APBB2: variants seen among roughly 807,000 people sequenced by gnomAD.
The protein encoded by APBB2 is Fe65-like 1.
APBB2 carries 38 observed loss-of-function variants against 82.5 expected under a neutral mutation model. The observed-to-expected ratio is 0.46, with a 90% CI of 0.36 to 0.60. APBB2 has a LOEUF of 0.60. APBB2 is among the 20% of genes least tolerant of loss of function. The pLI is 0.00. For missense variants in APBB2, 772 were observed against 972.3 expected (o/e 0.79, Z 2.74); for synonymous variants, 341 against 368.2 (o/e 0.93, Z 0.85).
intron 6 of APBB2, among the ~76,000 whole-genome samples, chr4:40,954,535 T>G (rs574796120): frequency 1.4e-3 from 218 of 152,148 alleles, no homozygotes; most frequent in African/African-American, 5.0e-3. Context: ...AGCATGAGAG[T>G]CACCTGGAGG....
intron 2 of APBB2, among the ~76,000 whole-genome samples, chr4:41,108,594 CA>C (rs1748082583): frequency 6.6e-6 from 1 of 152,142 alleles, no homozygotes; most frequent in South Asian, 2.1e-4. Flanking sequence ...AAACGCTGTG[CA>C]GGTGCGGACA....
chr4:41,081,233 A>T (rs1737499455), intron 3 of APBB2, among the ~76,000 whole-genome samples: 1 of 152,210 alleles, frequency 6.6e-6, no homozygotes, highest in Non-Finnish European at 1.5e-5. Flanking sequence ...AAGATCACAC[A>T]ACAGGACAGT....
At chr4:40,913,398 AC>A (rs1779046833) in intron 10 of APBB2, among the ~76,000 whole-genome samples, 1 of 152,188 alleles carries the variant, frequency 6.6e-6, no homozygotes, top group South Asian at 2.1e-4. Context: ...CTAGTTTGGT[AC>A]TCTCTACCCT....
intron 6 of APBB2, among the ~76,000 whole-genome samples, chr4:40,978,926 A>ATT (rs34025967): frequency 1.6e-4 from 24 of 151,050 alleles, no homozygotes; most frequent in South Asian, 1.3e-3. Flanking sequence ...GGAACTCATG[A>ATT]TTTTTTTTTT....
At chr4:41,100,187 T>C (rs1443255593) in intron 3 of APBB2, among the ~76,000 whole-genome samples, 1 of 152,192 alleles carries the variant, frequency 6.6e-6, no homozygotes, top group African/African-American at 2.4e-5. Flanking sequence ...ATTCCACATT[T>C]TGCTTTCCTT....
intron 10 of APBB2, among the ~76,000 whole-genome samples, chr4:40,930,127 G>T (rs1054897515): frequency 6.6e-6 from 1 of 152,124 alleles, no homozygotes; most frequent in African/African-American, 2.4e-5. Flanking sequence ...TGTGAATAAA[G>T]TTTATAGCAA....
chr4:40,965,443 C>T (rs529634791), intron 6 of APBB2, among the ~76,000 whole-genome samples: 53 of 152,248 alleles, frequency 3.5e-4, no homozygotes, highest in African/African-American at 1.3e-3. Flanking sequence ...TAGAGCTGTG[C>T]TGTCCAATAG....
chr4:41,036,264 A>G (rs148930436), intron 4 of APBB2, among the ~76,000 whole-genome samples: 2 of 152,320 alleles, frequency 1.3e-5, no homozygotes, highest in African/African-American at 4.8e-5. Flanking sequence ...AGATTTTGGT[A>G]TCTGAAGGGA....
In APBB2 at chr4:40,890,379, C is replaced by A; in HGVS notation, c.1514G>T (p.Gly505Val). The A allele has an allele frequency of 6.2e-7, 1 of 1,612,860 alleles. No homozygotes were observed. The highest frequency in any genetic ancestry group is 1.1e-5 in the South Asian group (1 of 91,002). The change falls in exon 12 of 18, where the codon GGC becomes GTC. Residue 505 changes from glycine (G) to valine (V), a missense_variant. By Grantham distance (109) the Gly-to-Val change is moderately radical. Coordinates refer to ENST00000508593, the MANE Select transcript of APBB2 (RefSeq NM_004307.2). ...AGGGACTCACCGGCCATTGTCGCGG[C>A]CCACGCCCCACACGCGGATGCTGAC... is the stretch of plus-strand genomic sequence containing the variant. Reference protein sequence around the residue: ...PIVSIRVWGVGRDNGRDFAYV... With the variant: ...PIVSIRVWGVVRDNGRDFAYV...
intron 12 of APBB2, among the ~76,000 whole-genome samples, chr4:40,839,518 T>C (rs189494496): frequency 3.9e-4 from 60 of 152,218 alleles, no homozygotes; most frequent in African/African-American, 1.4e-3. Flanking sequence ...GTCAAATACA[T>C]GGCATGTTTT....
At chr4:41,212,473 A>C (rs1779560417) in intron 1 of APBB2, among the ~76,000 whole-genome samples, 1 of 152,188 alleles carries the variant, frequency 6.6e-6, no homozygotes, top group Non-Finnish European at 1.5e-5. Flanking sequence ...CAGCTTTTCA[A>C]TTACCACTTT....
intron 3 of APBB2, among the ~76,000 whole-genome samples, chr4:41,097,071 T>A (rs1186686538): frequency 6.6e-6 from 1 of 152,254 alleles, no homozygotes; most frequent in Non-Finnish European, 1.5e-5. Context: ...AATCTATCAG[T>A]GTTCCTTCTG....
At chr4:40,955,227 G>A (rs1791286263) in intron 6 of APBB2, among the ~76,000 whole-genome samples, 1 of 152,160 alleles carries the variant, frequency 6.6e-6, no homozygotes, top group Non-Finnish European at 1.5e-5. Context: ...AGCCAGCCTT[G>A]GGAAGGGACA....
chr4:40,857,324 G>T (rs1202761640), intron 12 of APBB2: 2 of 281,756 alleles, frequency 7.1e-6, no homozygotes, highest in African/African-American at 4.6e-5. Flanking sequence ...ACTGGCTCAG[G>T]GCCGGCAAGG....
chr4:40,865,600 G>C (rs1433341467), intron 12 of APBB2, among the ~76,000 whole-genome samples: 3 of 152,156 alleles, frequency 2.0e-5, no homozygotes, highest in Non-Finnish European at 4.4e-5. Context: ...CATAATTGTT[G>C]AGTGTATCAA....
intron 12 of APBB2, among the ~76,000 whole-genome samples, chr4:40,872,846 G>A (rs1765880460): frequency 6.6e-6 from 1 of 151,958 alleles, no homozygotes; most frequent in Non-Finnish European, 1.5e-5. Flanking sequence ...AGCACTTTGG[G>A]AGGCTGAGGC....
intron 1 of APBB2, among the ~76,000 whole-genome samples, chr4:41,157,828 T>C (rs908146897): frequency 6.6e-6 from 1 of 152,068 alleles, no homozygotes; most frequent in Non-Finnish European, 1.5e-5. Context: ...CCGTCTCTAC[T>C]AAAAATACAA....
intron 13 of APBB2, 23 bp downstream of exon 13, chr4:40,830,440 C>T: frequency 6.5e-7 from 1 of 1,540,388 alleles, no homozygotes; most frequent in Non-Finnish European, 9.0e-7. Context: ...AGAGGCGGCC[C>T]ATACTGCCCT....
intron 7 of APBB2, among the ~76,000 whole-genome samples, chr4:40,941,446 A>C (rs1318221666): frequency 6.6e-6 from 1 of 152,240 alleles, no homozygotes; most frequent in African/African-American, 2.4e-5. Flanking sequence ...CCTCCCAGAC[A>C]TATGATATTG....
Sources: allele counts gnomAD v4.1 joint callset (sites outside exome capture counted in the v4.1 genomes callset), GRCh38; gene constraint gnomAD v4.1.1; transcripts MANE v1.5; gene names NCBI Gene and HGNC (gene_info 2026-07-23, HGNC 2026-07-21).